The following ATF3 variants were observed in gnomAD, a reference collection of about 807,000 sequenced individuals.
ATF3 encodes cyclic AMP-dependent transcription factor ATF-3.
Under a neutral mutation model 18.4 loss-of-function variants are expected in ATF3, and 10 were observed. The ratio of observed to expected loss-of-function variants is 0.54; its 90% CI spans 0.34 to 0.92. The LOEUF (loss-of-function observed/expected upper bound fraction) is 0.92. ATF3 is among the 40% of genes least tolerant of loss of function. ATF3 has a pLI of 0.02. For synonymous variants in ATF3, 78 were observed against 87.9 expected (o/e 0.89, Z 0.63); for missense variants, 183 against 222.3 (o/e 0.82, Z 1.12).
At position 212,568,085 on chromosome 1, in the gene ATF3, C is replaced by T. The variant is rs539637818; in HGVS notation, c.-5+2602C>T. Among the ~76,000 whole-genome samples the T allele has an allele frequency of 4.6e-5, 7 of 152,238 alleles. 2 individuals are homozygous for T. The highest frequency in any genetic ancestry group is 1.4e-4 in the African/African-American group (6 of 41,548). On this transcript the variant is annotated intron_variant, in intron 1 of 3. Coordinates refer to the ATF3 transcript ENST00000366981. ...TTAGAGCCTGCACATAGAAGGTGCTCAGTAAGTATTTGCAGAATTAATGAA... is the reference window on the plus strand; with the variant it reads ...TTAGAGCCTGCACATAGAAGGTGCTTAGTAAGTATTTGCAGAATTAATGAA...
rs1655350842 is a variant in ATF3 at position 212,620,661 on chromosome 1, G to A, written c.*1106G>A. 1 of 152,612 alleles carries A rather than the reference G, an allele frequency of 6.6e-6. No individual in the cohort carries two copies. The highest frequency in any genetic ancestry group is 6.5e-5 in the Admixed American group (1 of 15,286). The allele number at this position is 152,612 out of a possible 1,614,324, so 9.5% of individuals were successfully genotyped here. A position where few individuals can be genotyped will look rare whatever the true frequency, so the allele number is the denominator to read the frequency against. ...GATGTTTCTGTGAAATTCTCAGAGT[G>A]TTTAATTGTACTCAATGGTATCATT... is the stretch of plus-strand genomic sequence containing the variant. On this transcript the variant is annotated 3_prime_UTR_variant, in exon 4 of 4. Coordinates refer to ENST00000341491, the MANE Select transcript of ATF3 (RefSeq NM_001674.4).
At chr1:212,597,977 T>C (rs1654360391) in intron 1 of ATF3, among the ~76,000 whole-genome samples, 1 of 152,168 alleles carries the variant, frequency 6.6e-6, no homozygotes, top group African/African-American at 2.4e-5. Context: ...TTGATTTGGA[T>C]GGAATCTCAG....
At chr1:212,592,219 C>T (rs894925680) in intron 1 of ATF3, among the ~76,000 whole-genome samples, 3 of 152,240 alleles carry the variant, frequency 2.0e-5, no homozygotes, top group Admixed American at 6.5e-5. Flanking sequence ...TTGACCATTC[C>T]AGACACTTCA....
chr1:212,575,516 TTTATA>T (rs1364111029), intron 1 of ATF3, among the ~76,000 whole-genome samples: 1 of 152,138 alleles, frequency 6.6e-6, no homozygotes, highest in Non-Finnish European at 1.5e-5. Flanking sequence ...TTTCCATTGT[TTTATA>T]TTACATCAGT....
chr1:212,603,602 A>T (rs192421941), intron 1 of ATF3, among the ~76,000 whole-genome samples: 210 of 152,352 alleles, frequency 1.4e-3, no homozygotes, highest in African/African-American at 4.4e-3. Context: ...GCAAAATATT[A>T]GCAACACTCT....
intron 1 of ATF3, among the ~76,000 whole-genome samples, chr1:212,610,101 C>T (rs1320273223): frequency 6.6e-6 from 1 of 152,196 alleles, no homozygotes; most frequent in African/African-American, 2.4e-5. Context: ...TTTTCCCTCA[C>T]CAGCTTTCTT....
At chr1:212,571,065 A>G (rs1303636958) in intron 1 of ATF3, among the ~76,000 whole-genome samples, 1 of 152,220 alleles carries the variant, frequency 6.6e-6, no homozygotes, top group Non-Finnish European at 1.5e-5. Flanking sequence ...GTGTTATACC[A>G]TTGTACACTC....
In ATF3 at chr1:212,618,715, C is replaced by T; in HGVS notation, c.348+481C>T. ...CTAACTCTAGAGCCCTTCTCCCTGG[C>T]TTAGCCAGTAAGCTGAGCCCCTGGC... is the stretch of plus-strand genomic sequence containing the variant. On this transcript the variant is annotated intron_variant, in intron 3 of 3. Coordinates refer to ENST00000341491, the MANE Select transcript of ATF3 (RefSeq NM_001674.4). The surrounding 1 kb of genome is among the most constrained non-coding windows in gnomAD (Gnocchi z 4.4). The T allele has an allele frequency of 2.1e-6, 1 of 471,638 alleles. No homozygotes were observed. The highest frequency in any genetic ancestry group is 3.9e-6 in the Non-Finnish European group (1 of 257,470). The allele number at this position is 471,638 out of a possible 1,614,324, so 29.2% of individuals were successfully genotyped here. A position where few individuals can be genotyped will look rare whatever the true frequency, so the allele number is the denominator to read the frequency against.
At chr1:212,572,618 A>G (rs1474856045) in intron 1 of ATF3, among the ~76,000 whole-genome samples, 1 of 152,240 alleles carries the variant, frequency 6.6e-6, no homozygotes, top group African/African-American at 2.4e-5. Context: ...TGAAAAGAAT[A>G]CTATTGAGAT....
At chr1:212,565,672 A>T (rs1664369877) in intron 1 of ATF3, among the ~76,000 whole-genome samples, 1 of 152,134 alleles carries the variant, frequency 6.6e-6, no homozygotes, top group Admixed American at 6.5e-5. Flanking sequence ...GATCTGAGGG[A>T]TAGGGATCGA....
intron 1 of ATF3, among the ~76,000 whole-genome samples, chr1:212,586,948 G>T (rs144464813): frequency 2.6e-5 from 4 of 152,192 alleles, no homozygotes; most frequent in Admixed American, 1.3e-4. Flanking sequence ...TGAAAGTGAC[G>T]CTGGGCTGGG....
chr1:212,610,980 A>G (rs1654872043), intron 1 of ATF3, among the ~76,000 whole-genome samples: 1 of 152,210 alleles, frequency 6.6e-6, no homozygotes. Context: ...GATGATTCTA[A>G]TATTGAGAGG....
At chr1:212,567,427 A>G (rs1664404666) in intron 1 of ATF3, among the ~76,000 whole-genome samples, 2 of 152,204 alleles carry the variant, frequency 1.3e-5, no homozygotes, top group Non-Finnish European at 2.9e-5. Flanking sequence ...GCTCTCAGGA[A>G]AAACAGCCCT....
Position 212,618,855 on chromosome 1 carries a change from G to T in ATF3, c.349-503G>T. ...TGGCTGTGTCCCTCCTCCAAATGTG[G>T]ACAGGCCATGACAGAGTCTTAGCCC... On this transcript the variant is annotated intron_variant, in intron 3 of 3. Coordinates refer to ENST00000341491, the MANE Select transcript of ATF3 (RefSeq NM_001674.4). The surrounding 1 kb of genome is among the most constrained non-coding windows in gnomAD (Gnocchi z 4.4). 1 of 695,430 alleles carries T rather than the reference G, an allele frequency of 1.4e-6. No homozygotes were observed. The highest frequency in any genetic ancestry group is 2.8e-5 in the East Asian group (1 of 36,204). The allele number at this position is 695,430 out of a possible 1,614,324, so 43.1% of individuals were successfully genotyped here.
At chr1:212,592,179 T>C (rs1446086135) in intron 1 of ATF3, among the ~76,000 whole-genome samples, 3 of 152,082 alleles carry the variant, frequency 2.0e-5, no homozygotes, top group Non-Finnish European at 4.4e-5. Context: ...TAGCCCCTAG[T>C]AACCACTATT....
chr1:212,615,497 G>A (rs1655084246), intron 2 of ATF3, among the ~76,000 whole-genome samples: 1 of 152,004 alleles, frequency 6.6e-6, no homozygotes, highest in Admixed American at 6.5e-5. Context: ...GAACGGGTAG[G>A]GATGGGGTTG....
chr1:212,584,278 C>T (rs1205237631), intron 1 of ATF3, among the ~76,000 whole-genome samples: 1 of 152,112 alleles, frequency 6.6e-6, no homozygotes, highest in Non-Finnish European at 1.5e-5. Context: ...CTGTGTTAGT[C>T]AGGGTTCTCC....
In ATF3 at chr1:212,620,005, C is replaced by T. The variant is rs181958495; in HGVS notation, c.*450C>T. 2.1e-4 allele frequency: 45 copies of T among 217,632 alleles called. No homozygotes were observed. Among genetic ancestry groups the T allele is most frequent in the East Asian group, 1.4e-3 (13 of 9,220 alleles). 13.5% of individuals were successfully genotyped at this position (217,632 alleles called of 1,614,324 possible). A position where few individuals can be genotyped will look rare whatever the true frequency, so the allele number is the denominator to read the frequency against. On this transcript the variant is annotated 3_prime_UTR_variant, in exon 4 of 4. Coordinates refer to ENST00000341491, the MANE Select transcript of ATF3 (RefSeq NM_001674.4). ...AACAGCATTTAGTGAAGTTGTGCAA[C>T]GGCCAGGGTTGTGCTTTCTAGCAAA...
chr1:212,614,970 C>T, intron 1 of ATF3, 48 bp from the exon 2 acceptor site: 1 of 1,614,016 alleles, frequency 6.2e-7, no homozygotes, highest in Non-Finnish European at 8.5e-7. Flanking sequence ...GACTTGATCC[C>T]ATGCCCCAGA....
Sources: allele counts gnomAD v4.1 joint callset (sites outside exome capture counted in the v4.1 genomes callset), GRCh38; gene constraint gnomAD v4.1.1; non-coding constraint Gnocchi (gnomAD v3.1); transcripts MANE v1.5; gene names NCBI Gene and HGNC (gene_info 2026-07-23, HGNC 2026-07-21).